UBXN7: variants seen among roughly 807,000 people sequenced by gnomAD.
UBXN7 encodes the protein UBX domain protein 7.
Under a neutral mutation model 58.0 loss-of-function variants are expected in UBXN7, and 9 were observed. The observed-to-expected ratio is 0.16, with a 90% CI of 0.09 to 0.27. The LOEUF is 0.27. Ranked by LOEUF, UBXN7 falls within the 10% of genes least tolerant of loss-of-function variation. The pLI, the probability that UBXN7 is intolerant of heterozygous loss-of-function variation, is 1.00. For synonymous variants in UBXN7, 208 were observed against 205.0 expected, an observed-to-expected ratio of 1.01 and a Z score of -0.12; for missense variants, 328 against 599.6, an observed-to-expected ratio of 0.55 and a Z score of 4.73.
chr3:196,407,348 T>C lies in UBXN7; in HGVS notation c.119A>G (p.Asn40Ser). The C allele has an allele frequency of 6.2e-7, 1 of 1,613,934 alleles. No homozygotes were observed. The highest frequency in any genetic ancestry group is 8.5e-7 in the Non-Finnish European group (1 of 1,180,004). ...VGKHMLEACN[N>S]NLEMAVTMFL... ...CATAGTGACTGCCATTTCCAGATTA[T>C]TGTTGCACGCTTCAAGCATATGTTT... The change falls in exon 2 of 11, where the codon AAT becomes AGT. Residue 40 changes from asparagine to serine, a missense_variant. Asn to Ser is a conservative substitution (Grantham distance 46). Around this residue, in one of 4 missense-constraint regions of UBXN7, gnomAD observed 106 missense variants for 124.3 expected, o/e 0.85. Coordinates refer to ENST00000296328, the MANE Select transcript of UBXN7 (RefSeq NM_015562.2).
intron 7 of UBXN7, among the ~76,000 whole-genome samples, chr3:196,369,033 C>T (rs917336564): frequency 6.6e-6 from 1 of 152,096 alleles, no homozygotes; most frequent in Non-Finnish European, 1.5e-5. Flanking sequence ...ACCGTGTTAG[C>T]CAGGATGGTC....
chr3:196,424,663 G>A (rs1227039890), intron 1 of UBXN7, among the ~76,000 whole-genome samples: 1 of 150,626 alleles, frequency 6.6e-6, no homozygotes, highest in African/African-American at 2.4e-5. Flanking sequence ...TGGGATTACC[G>A]GTGTGAGCCA....
chr3:196,384,094 G>A (rs1348301943), intron 5 of UBXN7, among the ~76,000 whole-genome samples: 5 of 151,970 alleles, frequency 3.3e-5, no homozygotes, highest in Admixed American at 1.3e-4. Context: ...TCAAATAGAC[G>A]CAATAAAAAA....
At chr3:196,396,717 C>G (rs1049136141) in intron 3 of UBXN7, among the ~76,000 whole-genome samples, 19 of 151,906 alleles carry the variant, frequency 1.3e-4, no homozygotes, top group African/African-American at 4.4e-4. Context: ...GAGCTGAGAT[C>G]GCACCACTGC....
In UBXN7 at chr3:196,352,353, T is replaced by G. The variant is rs1481354440; in HGVS notation, c.*4332A>C. 3 of 152,218 alleles carry G rather than the reference T, an allele frequency of 2.0e-5. No individual in the cohort carries two copies. Among genetic ancestry groups the G allele is most frequent in the Non-Finnish European group, 4.4e-5 (3 of 68,148 alleles). 9.4% of individuals were successfully genotyped at this position (152,218 alleles called of 1,614,324 possible). A position where few individuals can be genotyped will look rare whatever the true frequency, so the allele number is the denominator to read the frequency against. ...ACCTCCGCCTCCCAGGTTCAAGAGA[T>G]TCTTGTGCCTCAGCCTCCCCATTAG... On this transcript the variant is annotated 3_prime_UTR_variant, in exon 11 of 11. Transcript: ENST00000296328. This position sits in a 1 kb window ranked among gnomAD's most constrained non-coding sequence, Gnocchi z 4.1.
At chr3:196,431,941 G>C (rs766064016) in intron 1 of UBXN7, 20 of 408,994 alleles carry the variant, frequency 4.9e-5, no homozygotes, top group Non-Finnish European at 8.0e-5. Context: ...CCGCACCGCA[G>C]GGCTGCACAG....
chr3:196,427,947 A>G (rs1730900950), intron 1 of UBXN7, among the ~76,000 whole-genome samples: 1 of 152,022 alleles, frequency 6.6e-6, no homozygotes, highest in Non-Finnish European at 1.5e-5. Flanking sequence ...AACATGGTGA[A>G]ACTCCATCTC....
At chr3:196,417,746 A>C (rs1202872860) in intron 1 of UBXN7, among the ~76,000 whole-genome samples, 1 of 149,292 alleles carries the variant, frequency 6.7e-6, no homozygotes, top group Non-Finnish European at 1.5e-5. Context: ...AAAAAAAAAA[A>C]AAAAAAAAAA....
chr3:196,425,140 A>G (rs866187740), intron 1 of UBXN7, among the ~76,000 whole-genome samples: 24 of 152,142 alleles, frequency 1.6e-4, no homozygotes, highest in Admixed American at 3.9e-4. Flanking sequence ...TGAGCTAACC[A>G]TCTTCTCCCC....
intron 3 of UBXN7, among the ~76,000 whole-genome samples, chr3:196,396,911 CT>C (rs1729793178): frequency 6.6e-6 from 1 of 152,120 alleles, no homozygotes; most frequent in South Asian, 2.1e-4. Flanking sequence ...TCCACATCAC[CT>C]TTCCAACCTC....
At chr3:196,415,603 G>A (rs1410092265) in intron 1 of UBXN7, among the ~76,000 whole-genome samples, 6 of 150,162 alleles carry the variant, frequency 4.0e-5, no homozygotes, top group East Asian at 2.0e-4. Context: ...GTGAAATCCC[G>A]TCTCTACTAA....
At position 196,356,503 on chromosome 3, in the gene UBXN7, G is replaced by GA; in HGVS notation, c.*181dup. 1 of 609,664 alleles carries GA rather than the reference G, an allele frequency of 1.6e-6. No homozygotes were observed. Among genetic ancestry groups the GA allele is most frequent in the South Asian group, 2.5e-5 (1 of 39,490 alleles). The allele number at this position is 609,664 out of a possible 1,614,324, so 37.8% of individuals were successfully genotyped here. A position where few individuals can be genotyped will look rare whatever the true frequency, so the allele number is the denominator to read the frequency against. ...TGGGGAGCGAGAAAACAGAAGAGGA[G>GA]AAAGAAACAAAGGGGGAGAAAGAGA... On this transcript the variant is annotated 3_prime_UTR_variant, in exon 11 of 11. Coordinates refer to ENST00000296328, the MANE Select transcript of UBXN7 (RefSeq NM_015562.2).
chr3:196,386,620 A>G (rs1460847364), intron 5 of UBXN7, among the ~76,000 whole-genome samples: 4 of 152,180 alleles, frequency 2.6e-5, no homozygotes, highest in African/African-American at 9.6e-5. Context: ...CAATTGCTAC[A>G]AAGAGAATAA....
chr3:196,425,782 C>T (rs1730830999), intron 1 of UBXN7, among the ~76,000 whole-genome samples: 1 of 152,180 alleles, frequency 6.6e-6, no homozygotes, highest in South Asian at 2.1e-4. Context: ...CCCTCCAAGT[C>T]TCTGCATGTT....
rs545095357 is a variant in UBXN7, at chr3:196,384,384, G to C, written c.468+7429C>G. Among the ~76,000 whole-genome samples, 24 of 152,250 alleles carry C rather than the reference G, an allele frequency of 1.6e-4. No homozygotes were observed. In the East Asian group the frequency reaches 3.5e-3, roughly 22 times the overall value. On this transcript the variant is annotated intron_variant, in intron 5 of 10. Coordinates refer to ENST00000296328, the MANE Select transcript of UBXN7 (RefSeq NM_015562.2). The stretch of plus-strand genomic sequence containing the variant: ...TCTACCAGAGGTACAAAGAGGAGCT[G>C]GTACCATTCCTTCTGAAACTATTCC...
chr3:196,354,485 A>T lies in UBXN7; in HGVS notation c.*2200T>A, dbSNP rs537442213. The T allele has an allele frequency of 2.6e-5, 4 of 152,328 alleles. No individual in the cohort carries two copies. The South Asian group carries it at 8.3e-4, about 32-fold the overall frequency. 9.4% of individuals were successfully genotyped at this position (152,328 alleles called of 1,614,324 possible). A position where few individuals can be genotyped will look rare whatever the true frequency, so the allele number is the denominator to read the frequency against. On this transcript the variant is annotated 3_prime_UTR_variant, in exon 11 of 11. Transcript: ENST00000296328. The stretch of plus-strand genomic sequence containing the variant: ...TTGAGCGATTTGGGCTTCAGCTATG[A>T]CTTTGCTGGAGTACAGATGGGTGCC...
rs925150958 is a variant in UBXN7 at position 196,355,935 on chromosome 3, G to A, written c.*750C>T. The A allele has an allele frequency of 6.6e-6, 1 of 152,318 alleles. No homozygotes were observed. Among genetic ancestry groups the A allele is most frequent in the Non-Finnish European group, 1.5e-5 (1 of 68,044 alleles). 9.4% of individuals were successfully genotyped at this position (152,318 alleles called of 1,614,324 possible). A position where few individuals can be genotyped will look rare whatever the true frequency, so the allele number is the denominator to read the frequency against. On this transcript the variant is annotated 3_prime_UTR_variant, in exon 11 of 11. Coordinates refer to ENST00000296328, the MANE Select transcript of UBXN7 (RefSeq NM_015562.2). ...TCACTTCATGTCCATTCTTGGACTAGCAGGATCAATACAGAGTAATAAGGA... is the reference window on the plus strand; with the variant it reads ...TCACTTCATGTCCATTCTTGGACTAACAGGATCAATACAGAGTAATAAGGA...
chr3:196,367,993 T>C (rs764308934), intron 8 of UBXN7, 35 bp downstream of exon 8: 8 of 1,601,770 alleles, frequency 5.0e-6, no homozygotes, highest in Non-Finnish European at 6.8e-6. Context: ...CCAATTACAT[T>C]TATTTTCCCA....
intron 1 of UBXN7, chr3:196,431,932 C>T: frequency 2.6e-6 from 1 of 390,026 alleles, no homozygotes; most frequent in Non-Finnish European, 5.0e-6. Flanking sequence ...GGAGATGCAC[C>T]GCACCGCAGG....
Sources: allele counts gnomAD v4.1 joint callset (sites outside exome capture counted in the v4.1 genomes callset), GRCh38; gene constraint gnomAD v4.1.1; regional missense constraint gnomAD v4.1.1; non-coding constraint Gnocchi (gnomAD v3.1); transcripts MANE v1.5; gene names NCBI Gene and HGNC (gene_info 2026-07-23, HGNC 2026-07-21).